Variants in MTUS2 observed in about 807,000 individuals in gnomAD.
The protein encoded by MTUS2 is microtubule associated scaffold protein 2.
Under a neutral mutation model 114.1 loss-of-function variants are expected in MTUS2, and 40 were observed. The observed-to-expected ratio is 0.35, with a 90% confidence interval of 0.27 to 0.46. The LOEUF is 0.46. MTUS2 is among the 20% of genes least tolerant of loss of function. The probability of loss-of-function intolerance (pLI) is 1.00; values close to 1 mark genes in which losing one functional copy is unlikely to be tolerated. For missense variants in MTUS2, 1,679 were observed against 1,705.4 expected, an observed-to-expected ratio of 0.98 and a Z score of 0.27; for synonymous variants, 688 against 672.0, an observed-to-expected ratio of 1.02 and a Z score of -0.37.
In MTUS2 at chr13:29,480,707, T is replaced by A. The variant is rs932445406; in HGVS notation, c.3399+343T>A. Among the ~76,000 whole-genome samples the A allele has an allele frequency of 2.0e-5, 3 of 151,730 alleles. No homozygotes were observed. Among genetic ancestry groups the A allele is most frequent in the African/African-American group, 7.3e-5 (3 of 41,262 alleles). On this transcript the variant is annotated intron_variant, in intron 10 of 15. Coordinates refer to ENST00000612955, the MANE Select transcript of MTUS2 (RefSeq NM_001033602.4). This position sits in a 1 kb window ranked among gnomAD's most constrained non-coding sequence, Gnocchi z 4.4. Reference sequence around the variant, plus strand: ...AATTATTATTCCTCCCCCAACCACATACACACTCTTTCTGTCCCCCTCCCA... The same window carrying A: ...AATTATTATTCCTCCCCCAACCACAAACACACTCTTTCTGTCCCCCTCCCA...
At chr13:29,324,743 G>C in intron 7 of MTUS2, 32 bp downstream of exon 7, 2 of 1,501,046 alleles carry the variant, frequency 1.3e-6, no homozygotes, top group Non-Finnish European at 1.8e-6. Flanking sequence ...TTCCTTGGGG[G>C]AATGACTTGA....
chr13:28,861,444 T>TC (rs1382280251), intron 2 of MTUS2, among the ~76,000 whole-genome samples: 7 of 151,024 alleles, frequency 4.6e-5, no homozygotes, highest in Non-Finnish European at 1.0e-4. Flanking sequence ...TTTTTCTTTT[T>TC]TTTTTTTTTT....
Position 29,024,793 on chromosome 13 carries a change from T to C in MTUS2, c.95T>C (p.Leu32Pro). Residue 32 changes from leucine to proline, a missense_variant, in exon 3 of 16, where the codon CTG becomes CCG. Physicochemically the swap from Leu to Pro is moderately conservative, Grantham distance 98. Transcript: ENST00000612955. ...AATAATAATGAAAGCATCTTAAGTC[T>C]GGGAGATACGAATGCCAATCAAATC... is the stretch of plus-strand genomic sequence containing the variant. ...ARNNNESILS[L>P]GDTNANQIML... The C allele has an allele frequency of 6.2e-7, 1 of 1,614,028 alleles. No homozygotes were observed. The highest frequency in any genetic ancestry group is 8.5e-7 in the Non-Finnish European group (1 of 1,179,892).
chr13:29,043,331 C>T (rs544622304), intron 4 of MTUS2, among the ~76,000 whole-genome samples: 49 of 152,004 alleles, frequency 3.2e-4, no homozygotes, highest in African/African-American at 1.0e-3. Context: ...TGAAGTTTAT[C>T]GAGACTTCTT....
chr13:29,494,312 C>T (rs1338360094), intron 12 of MTUS2, among the ~76,000 whole-genome samples: 3 of 152,158 alleles, frequency 2.0e-5, no homozygotes, highest in Admixed American at 6.5e-5. Flanking sequence ...TGGCTCCAGC[C>T]AGGTCTTTGT....
chr13:29,033,873 C>A lies in MTUS2; in HGVS notation c.2206-12C>A. 1.2e-6 allele frequency: 2 copies of A among 1,613,476 alleles called. No homozygotes were observed. Among genetic ancestry groups the A allele is most frequent in the South Asian group, 2.2e-5 (2 of 90,914 alleles). On this transcript the variant is annotated splice_polypyrimidine_tract_variant and intron_variant, in intron 3 of 15. Transcript: ENST00000612955. ...GAAGGTCTCTGATTGAGTTTTTGTTCATTTATCATAGGTTACAGACCACCC... is the reference window on the plus strand; with the variant it reads ...GAAGGTCTCTGATTGAGTTTTTGTTAATTTATCATAGGTTACAGACCACCC...
At chr13:28,950,463 C>T (rs1882753883) in intron 2 of MTUS2, among the ~76,000 whole-genome samples, 1 of 152,130 alleles carries the variant, frequency 6.6e-6, no homozygotes, top group Non-Finnish European at 1.5e-5. Flanking sequence ...TCAGATTTAC[C>T]TATTTTTACC....
chr13:29,254,160 A>C (rs554117203), intron 5 of MTUS2, among the ~76,000 whole-genome samples: 4 of 152,342 alleles, frequency 2.6e-5, no homozygotes, highest in African/African-American at 9.6e-5. Flanking sequence ...GTTGGGTTGC[A>C]ATTATGGCTA....
intron 5 of MTUS2, among the ~76,000 whole-genome samples, chr13:29,274,412 C>A (rs1255775079): frequency 1.3e-5 from 2 of 152,006 alleles, no homozygotes; most frequent in African/African-American, 4.8e-5. Context: ...GCCTGGCCAA[C>A]TCTATGTTTA....
chr13:29,416,765 G>T (rs77153521), intron 8 of MTUS2, among the ~76,000 whole-genome samples: 1 of 152,060 alleles, frequency 6.6e-6, no homozygotes, highest in Non-Finnish European at 1.5e-5. Flanking sequence ...TCTATTTGTT[G>T]TCTTGCTCTG....
chr13:29,158,679 A>G lies in MTUS2; in HGVS notation c.2644+57709A>G, dbSNP rs75766396. On this transcript the variant is annotated intron_variant, in intron 5 of 15. Transcript: ENST00000612955. ...CTCTCAAGAAAAGGAGACAGGTGGA[A>G]TGAGAGAAAAACAAGTCCTTCTAGC... Among the ~76,000 whole-genome samples, 414 of 152,246 alleles carry G rather than the reference A, an allele frequency of 2.7e-3. 2 individuals carry two copies. Among genetic ancestry groups the G allele is most frequent in the African/African-American group, 9.5e-3 (394 of 41,554 alleles).
At chr13:28,971,762 CAAAG>C (rs761499245) in intron 2 of MTUS2, among the ~76,000 whole-genome samples, 8 of 152,144 alleles carry the variant, frequency 5.3e-5, no homozygotes, top group Non-Finnish European at 1.2e-4. Flanking sequence ...AAAGTGTAGA[CAAAG>C]AAACTGAGTT....
chr13:29,441,342 A>G (rs1877847791), intron 9 of MTUS2, among the ~76,000 whole-genome samples: 1 of 152,060 alleles, frequency 6.6e-6, no homozygotes, highest in Admixed American at 6.5e-5. Context: ...GCGGGAGGGG[A>G]GAAAGTGGCC....
intron 6 of MTUS2, among the ~76,000 whole-genome samples, chr13:29,322,472 C>A (rs144337363): frequency 6.6e-6 from 1 of 152,066 alleles, no homozygotes; most frequent in Non-Finnish European, 1.5e-5. Flanking sequence ...GAAAGAAGCC[C>A]GGAGGAGAGC....
intron 2 of MTUS2, among the ~76,000 whole-genome samples, chr13:28,889,980 C>T (rs1878820682): frequency 6.6e-6 from 1 of 152,158 alleles, no homozygotes; most frequent in Non-Finnish European, 1.5e-5. Flanking sequence ...TTGTCCACAC[C>T]TGCATTCCAG....
chr13:28,914,664 C>G (rs1880646892), intron 2 of MTUS2, among the ~76,000 whole-genome samples: 1 of 151,930 alleles, frequency 6.6e-6, no homozygotes, highest in South Asian at 2.1e-4. Context: ...TCTCGATGAT[C>G]TAATATTTTC....
At chr13:28,911,845 G>GTTTTTTTTTTTT in intron 2 of MTUS2, among the ~76,000 whole-genome samples, 1 of 103,828 alleles carries the variant, frequency 9.6e-6, no homozygotes, top group Non-Finnish European at 2.0e-5. Context: ...ACTTTTTAAT[G>GTTTTTTTTTTTT]TTTTTTTTTT....
intron 8 of MTUS2, among the ~76,000 whole-genome samples, chr13:29,363,029 C>T (rs1870400254): frequency 6.6e-6 from 1 of 152,166 alleles, no homozygotes; most frequent in African/African-American, 2.4e-5. Flanking sequence ...TGTTCCTCAC[C>T]ACGGGCCAAA....
At chr13:29,385,668 C>T (rs991195931) in intron 8 of MTUS2, among the ~76,000 whole-genome samples, 2 of 152,026 alleles carry the variant, frequency 1.3e-5, no homozygotes, top group Non-Finnish European at 2.9e-5. Context: ...CCTTTTTCCC[C>T]AGCTTGGGGA....
Sources: gnomAD v4.1 joint callset for allele counts (sites outside exome capture counted in the v4.1 genomes callset) on GRCh38, gnomAD v4.1.1 for gene constraint, Gnocchi (gnomAD v3.1) non-coding constraint, MANE v1.5 for transcripts, NCBI Gene and HGNC (gene_info 2026-07-23, HGNC 2026-07-21) for gene names.